Variants in ENTPD5 observed in about 807,000 individuals in gnomAD.
ENTPD5 encodes the protein nucleoside diphosphate phosphatase ENTPD5.
Under a neutral mutation model 60.2 loss-of-function variants are expected in ENTPD5, and 49 were observed. The observed-to-expected ratio is 0.81, with a 90% CI of 0.65 to 1.03. The LOEUF is 1.03. Among genes scored for constraint, ENTPD5 ranks in the 50% least tolerant of loss-of-function variants. The probability of loss-of-function intolerance (pLI) is 0.00; values close to 1 mark genes in which losing one functional copy is unlikely to be tolerated. For missense variants in ENTPD5, 480 were observed against 507.6 expected, an observed-to-expected ratio of 0.95 and a Z score of 0.52; for synonymous variants, 187 against 185.4, an observed-to-expected ratio of 1.01 and a Z score of -0.07.
At chr14:73,979,718 G>A (rs932440853) in intron 6 of ENTPD5, among the ~76,000 whole-genome samples, 3 of 152,120 alleles carry the variant, frequency 2.0e-5, no homozygotes, top group South Asian at 2.1e-4. Context: ...TGATCCACCC[G>A]CCTTGGCCTC....
chr14:73,981,149 G>T (rs2057672470), intron 6 of ENTPD5, among the ~76,000 whole-genome samples: 1 of 151,714 alleles, frequency 6.6e-6, no homozygotes, highest in African/African-American at 2.4e-5. Context: ...TAAAAATACT[G>T]AATTTAACAA....
At chr14:73,957,234 A>G (rs2056481214), downstream of ENTPD5, among the ~76,000 whole-genome samples, 1 of 151,876 alleles carries the variant, frequency 6.6e-6, no homozygotes, top group South Asian at 2.1e-4. Context: ...AGTAGCTGGG[A>G]CTATAGGCGC....
intron 1 of ENTPD5, among the ~76,000 whole-genome samples, chr14:74,017,243 G>C (rs1166206474): frequency 1.3e-5 from 2 of 151,898 alleles, no homozygotes; most frequent in African/African-American, 4.8e-5. Flanking sequence ...GCTTGAACCT[G>C]GGAGGTGGAG....
downstream of ENTPD5, chr14:73,961,557 T>C: frequency 1.2e-6 from 2 of 1,614,066 alleles, no homozygotes; most frequent in Non-Finnish European, 1.7e-6. Context: ...CAGCCTTCAA[T>C]GGGAAGGACT....
chr14:73,970,914 C>T (rs535845417), intron 14 of ENTPD5, among the ~76,000 whole-genome samples: 2 of 151,868 alleles, frequency 1.3e-5, no homozygotes, highest in African/African-American at 4.8e-5. Flanking sequence ...CAGCCTCAAG[C>T]TCCTGGGTTC....
intron 5 of ENTPD5, among the ~76,000 whole-genome samples, chr14:73,985,497 G>C (rs560769751): frequency 4.0e-4 from 61 of 152,322 alleles, no homozygotes; most frequent in African/African-American, 1.5e-3. Flanking sequence ...GGCCAGTGAT[G>C]ATGAGCATTT....
intron 1 of ENTPD5, among the ~76,000 whole-genome samples, chr14:74,016,645 C>CA (rs1265904515): frequency 6.6e-6 from 1 of 151,974 alleles, no homozygotes; most frequent in African/African-American, 2.4e-5. Context: ...AAAAAACCAT[C>CA]AAAAAACCCA....
intron 7 of ENTPD5, 63 bp downstream of exon 7, chr14:73,977,236 T>C: frequency 7.2e-7 from 1 of 1,394,028 alleles, no homozygotes; most frequent in Non-Finnish European, 1.0e-6. Flanking sequence ...CCAGTTCCTT[T>C]AGTTAGATCT....
chr14:73,962,336 T>C (rs1481113361), downstream of ENTPD5, among the ~76,000 whole-genome samples: 1 of 151,944 alleles, frequency 6.6e-6, no homozygotes, highest in Non-Finnish European at 1.5e-5. Context: ...AGCAGAAGAG[T>C]ACTTGCTAGG....
intron 3 of ENTPD5, among the ~76,000 whole-genome samples, chr14:73,991,587 T>TAA (rs71460938): frequency 1.2e-4 from 7 of 60,844 alleles, no homozygotes; most frequent in Admixed American, 5.3e-4. Context: ...GAATCTGTCT[T>TAA]AAAAAAAAAA....
At chr14:74,018,019 C>T (rs907798107) in intron 1 of ENTPD5, among the ~76,000 whole-genome samples, 1 of 151,624 alleles carries the variant, frequency 6.6e-6, no homozygotes, top group African/African-American at 2.4e-5. Flanking sequence ...CCATCTCTAC[C>T]AAAAATACAA....
In ENTPD5 at chr14:73,966,747, G is replaced by A. The variant is rs1176779481; in HGVS notation, c.*181C>T. ...CTCACAGGGCTCTCTGTGATGCTCT[G>A]GTGCCAGCTGTGTACTCTTGAGTGG... On this transcript the variant is annotated 3_prime_UTR_variant, in exon 16 of 16. Transcript: ENST00000334696. The A allele has an allele frequency of 2.2e-5, 12 of 540,002 alleles. No homozygotes were observed. The highest frequency in any genetic ancestry group is 3.3e-5 in the Non-Finnish European group (10 of 305,470). The allele number at this position is 540,002 out of a possible 1,614,324, so 33.5% of individuals were successfully genotyped here. A position where few individuals can be genotyped will look rare whatever the true frequency, so the allele number is the denominator to read the frequency against.
chr14:73,976,487 A>G (rs192825062), intron 8 of ENTPD5, 75 bp from the exon 9 acceptor site: 4 of 1,186,050 alleles, frequency 3.4e-6, no homozygotes, highest in East Asian at 4.7e-5. Flanking sequence ...TGCTCTTATC[A>G]TACACTGAAG....
At chr14:74,005,369 A>AAAAAAAAAAAAAAAG (rs1404172423) in intron 3 of ENTPD5, among the ~76,000 whole-genome samples, 3 of 149,422 alleles carry the variant, frequency 2.0e-5, no homozygotes, top group Non-Finnish European at 3.0e-5. Flanking sequence ...GGTCTCAAAA[A>AAAAAAAAAAAAAAAG]AAAAGAAAAG....
At chr14:74,004,317 C>T (rs2058604027) in intron 3 of ENTPD5, among the ~76,000 whole-genome samples, 1 of 151,938 alleles carries the variant, frequency 6.6e-6, no homozygotes, top group Admixed American at 6.6e-5. Flanking sequence ...ACAGGCACCC[C>T]CCACCACACC....
At chr14:74,005,131 T>C (rs995050507) in intron 3 of ENTPD5, among the ~76,000 whole-genome samples, 2 of 151,536 alleles carry the variant, frequency 1.3e-5, no homozygotes, top group Non-Finnish European at 2.9e-5. Flanking sequence ...CTGGGCATGA[T>C]GGGACATGCC....
chr14:73,971,760 G>T, intron 14 of ENTPD5, 92 bp downstream of exon 14: 1 of 824,064 alleles, frequency 1.2e-6, no homozygotes, highest in South Asian at 1.5e-5. Flanking sequence ...TAGGCCTTCT[G>T]AGCTGACTGA....
rs1158964587 is a variant in ENTPD5 at position 73,976,378 on chromosome 14, C to T, written c.588G>A (p.Gly196=). Residue 196 remains glycine, a synonymous_variant, in exon 9 of 16, where the codon GGG becomes GGA. Coordinates refer to ENST00000334696, the MANE Select transcript of ENTPD5 (RefSeq NM_001249.5). Reference sequence around the variant, plus strand: ...TGGAGGCTCCCCCTAGGTCCAAGGTCCCCACAGTCTCCTGTCTGTGGCCAT... The same window carrying T: ...TGGAGGCTCCCCCTAGGTCCAAGGTTCCCACAGTCTCCTGTCTGTGGCCAT... The part of the protein sequence containing the change: ...QLHGHRQETV[G]TLDLGGASTQ... 1 of 1,614,008 alleles carries T rather than the reference C, an allele frequency of 6.2e-7. No homozygotes were observed. Among genetic ancestry groups the T allele is most frequent in the Non-Finnish European group, 8.5e-7 (1 of 1,179,986 alleles).
At chr14:73,991,287 A>G (rs1333809220) in intron 3 of ENTPD5, among the ~76,000 whole-genome samples, 1 of 151,912 alleles carries the variant, frequency 6.6e-6, no homozygotes, top group South Asian at 2.1e-4. Flanking sequence ...TCTTAATCTT[A>G]GCACTGTTTA....
Sources: allele counts gnomAD v4.1 joint callset (sites outside exome capture counted in the v4.1 genomes callset), GRCh38; gene constraint gnomAD v4.1.1; transcripts MANE v1.5; gene names NCBI Gene and HGNC (gene_info 2026-07-23, HGNC 2026-07-21).